The following PNLIPRP3 variants were observed in gnomAD, a reference collection of about 807,000 sequenced individuals.
PNLIPRP3 encodes pancreatic lipase related protein 3.
PNLIPRP3 carries 58 observed loss-of-function variants against 52.8 expected under a neutral mutation model. The ratio of observed to expected loss-of-function variants is 1.10; its 90% CI spans 0.89 to 1.37. The LOEUF (loss-of-function observed/expected upper bound fraction) is 1.37. PNLIPRP3 is among the 40% of genes most tolerant of loss of function. The pLI, the probability that PNLIPRP3 is intolerant of heterozygous loss-of-function variation, is 0.00. For missense variants in PNLIPRP3, 593 were observed against 561.6 expected, an observed-to-expected ratio of 1.06 and a Z score of -0.57; for synonymous variants, 192 against 185.0, an observed-to-expected ratio of 1.04 and a Z score of -0.31.
At chr10:116,432,889 C>T (rs193170335) in intron 1 of PNLIPRP3, among the ~76,000 whole-genome samples, 1,524 of 151,614 alleles carry the variant, frequency 0.01, 16 homozygotes, top group Middle Eastern at 0.024. Flanking sequence ...TCGAGGCGGG[C>T]GGATCACGAG....
rs765349888 is a variant in PNLIPRP3 at position 116,466,205 on chromosome 10, G to A, written c.927+37G>A. The stretch of plus-strand genomic sequence containing the variant: ...ATCTTACTTGGAATTTAATTATAAA[G>A]TAATTTTTTGAAACACAATCATCCA... On this transcript the variant is annotated intron_variant, in intron 8 of 11. Transcript: ENST00000369230. 6 of 1,467,520 alleles carry A rather than the reference G, an allele frequency of 4.1e-6. No individual in the cohort carries two copies. In the South Asian group the frequency reaches 7.1e-5, roughly 17 times the overall value. The allele number at this position is 1,467,520 out of a possible 1,614,324, so 90.9% of individuals were successfully genotyped here.
intron 10 of PNLIPRP3, among the ~76,000 whole-genome samples, chr10:116,473,101 G>T (rs571098908): frequency 6.6e-6 from 1 of 152,190 alleles, no homozygotes; most frequent in Non-Finnish European, 1.5e-5. Context: ...TTGTGAGAGC[G>T]TTTCCACATC....
At chr10:116,461,427 T>C (rs755443968) in intron 7 of PNLIPRP3, 137 bp downstream of exon 7, 2 of 1,071,318 alleles carry the variant, frequency 1.9e-6, no homozygotes, top group Non-Finnish European at 2.6e-6. Context: ...TATAAGAAGC[T>C]CTCCCACCTG....
chr10:116,460,028 G>T (rs191103211), intron 5 of PNLIPRP3, among the ~76,000 whole-genome samples: 3 of 152,198 alleles, frequency 2.0e-5, no homozygotes, highest in Non-Finnish European at 4.4e-5. Flanking sequence ...GGCCTCCGAG[G>T]GTGCTGGGAT....
At chr10:116,441,169 T>C (rs768952152) in intron 2 of PNLIPRP3, among the ~76,000 whole-genome samples, 2 of 152,180 alleles carry the variant, frequency 1.3e-5, no homozygotes, top group Admixed American at 1.3e-4. Context: ...CCAGAGTGAA[T>C]GTGAAAGTGT....
At chr10:116,445,297 T>C (rs1325819489) in intron 4 of PNLIPRP3, among the ~76,000 whole-genome samples, 2 of 152,140 alleles carry the variant, frequency 1.3e-5, no homozygotes, top group Non-Finnish European at 2.9e-5. Flanking sequence ...TGACAAGTAC[T>C]GGGTGAAGAA....
chr10:116,443,609 A>G (rs911417748), intron 3 of PNLIPRP3, among the ~76,000 whole-genome samples: 2 of 25,192 alleles, frequency 7.9e-5, no homozygotes, highest in African/African-American at 1.3e-4. Context: ...AAATTTATAT[A>G]TATGTGTTTT....
At chr10:116,449,116 C>A (rs929372659) in intron 4 of PNLIPRP3, among the ~76,000 whole-genome samples, 11 of 151,986 alleles carry the variant, frequency 7.2e-5, no homozygotes, top group African/African-American at 2.7e-4. Flanking sequence ...TTCTTTGAGT[C>A]CAAAGGTTTG....
At chr10:116,476,576 A>G (rs1846469946) in intron 10 of PNLIPRP3, 76 bp from the exon 11 acceptor site, 1 of 1,214,262 alleles carries the variant, frequency 8.2e-7, no homozygotes, top group African/African-American at 1.6e-5. Flanking sequence ...TCCATAGTGC[A>G]TACACAGATG....
At chr10:116,444,276 C>T (rs560453213) in intron 3 of PNLIPRP3, 106 bp from the exon 4 acceptor site, 27 of 969,652 alleles carry the variant, frequency 2.8e-5, no homozygotes, top group Admixed American at 1.5e-4. Flanking sequence ...AAAGTCTAAC[C>T]ATATCAACCT....
chr10:116,440,056 T>C (rs1845835041), intron 2 of PNLIPRP3: 1 of 728,436 alleles, frequency 1.4e-6, no homozygotes, highest in South Asian at 1.4e-5. Context: ...CCTGACTGTA[T>C]TGTTCGCTAG....
At chr10:116,469,054 AG>A in intron 8 of PNLIPRP3, 130 bp from the exon 9 acceptor site, 1 of 886,130 alleles carries the variant, frequency 1.1e-6, no homozygotes, top group Non-Finnish European at 1.6e-6. Flanking sequence ...GTGGCCTGTT[AG>A]GCACTTTTAA....
At position 116,436,698 on chromosome 10, in the gene PNLIPRP3, C is replaced by T. The variant is rs775850559; in HGVS notation, c.50-13C>T. On this transcript the variant is annotated splice_polypyrimidine_tract_variant and intron_variant, in intron 1 of 11. Coordinates refer to ENST00000369230, the MANE Select transcript of PNLIPRP3 (RefSeq NM_001011709.3). Reference sequence around the variant, plus strand: ...TGGTTCCTCTATACTGACACTCCACCTTTCTGCTGCAGGAAAAGAAGTTTG... The same window carrying T: ...TGGTTCCTCTATACTGACACTCCACTTTTCTGCTGCAGGAAAAGAAGTTTG... 1.9e-6 allele frequency: 3 copies of T among 1,599,022 alleles called. No homozygotes were observed. Among genetic ancestry groups the T allele is most frequent in the South Asian group, 2.3e-5 (2 of 88,498 alleles).
intron 4 of PNLIPRP3, among the ~76,000 whole-genome samples, chr10:116,450,588 A>G (rs1589981856): frequency 6.6e-6 from 1 of 152,174 alleles, no homozygotes; most frequent in East Asian, 1.9e-4. Context: ...AAACTTGAGA[A>G]GACTAACATT....
chr10:116,435,167 A>G (rs1845757551), intron 1 of PNLIPRP3, among the ~76,000 whole-genome samples: 2 of 152,184 alleles, frequency 1.3e-5, no homozygotes, highest in Non-Finnish European at 1.5e-5. Context: ...AATTCTGTTC[A>G]TTGATTTTCA....
Position 116,469,181 on chromosome 10 carries a change from T to A in PNLIPRP3, c.928-4T>A. 5.0e-6 allele frequency: 8 copies of A among 1,610,044 alleles called. No homozygotes were observed. Among genetic ancestry groups the A allele is most frequent in the Non-Finnish European group, 6.8e-6 (8 of 1,178,856 alleles). ...AGTAATCACCTTTCATTTTCTGTCA[T>A]CAGGGAAATTGCTTCTTTTGTTCCA... On this transcript the variant is annotated splice_polypyrimidine_tract_variant and splice_region_variant and intron_variant, in intron 8 of 11. Coordinates refer to ENST00000369230, the MANE Select transcript of PNLIPRP3 (RefSeq NM_001011709.3).
chr10:116,471,509 GA>G (rs1249446088), intron 9 of PNLIPRP3, among the ~76,000 whole-genome samples: 2 of 152,028 alleles, frequency 1.3e-5, no homozygotes, highest in African/African-American at 2.4e-5. Context: ...AAAATGCCTG[GA>G]AAAATAAATA....
At chr10:116,428,291 G>C (rs73377448) in intron 1 of PNLIPRP3, among the ~76,000 whole-genome samples, 8,026 of 151,864 alleles carry the variant, frequency 0.053, 602 homozygotes, top group East Asian at 0.23. Context: ...ACTTAATACT[G>C]AATGAGTCTT....
intron 10 of PNLIPRP3, among the ~76,000 whole-genome samples, chr10:116,473,970 A>AT (rs1234856151): frequency 7.8e-6 from 1 of 128,184 alleles, no homozygotes; most frequent in Non-Finnish European, 1.7e-5. Context: ...AAAAAAAAAG[A>AT]TCCCAAATAG....
Sources: gnomAD v4.1 joint callset for allele counts (sites outside exome capture counted in the v4.1 genomes callset) on GRCh38, gnomAD v4.1.1 for gene constraint, MANE v1.5 for transcripts, NCBI Gene and HGNC (gene_info 2026-07-23, HGNC 2026-07-21) for gene names.